The following GPATCH2 variants were observed in gnomAD, a reference collection of about 807,000 sequenced individuals.
The protein encoded by GPATCH2 is G-patch domain containing 2.
GPATCH2 carries 51 observed loss-of-function variants against 58.0 expected under a neutral mutation model. The ratio of observed to expected loss-of-function variants is 0.88; its 90% CI spans 0.70 to 1.11. The LOEUF is 1.11. GPATCH2 is among the 50% of genes most tolerant of loss of function. The pLI is 0.00. For missense variants in GPATCH2, 625 were observed against 652.2 expected (o/e 0.96, Z 0.45); for synonymous variants, 222 against 218.5 (o/e 1.02, Z -0.14).
chr1:217,590,285 G>A (rs1667532941), intron 5 of GPATCH2, among the ~76,000 whole-genome samples: 1 of 152,014 alleles, frequency 6.6e-6, no homozygotes, highest in Non-Finnish European at 1.5e-5. Flanking sequence ...GCCTCCCAAA[G>A]CGCTGGGATT....
chr1:217,437,804 C>T (rs1658913005), intron 9 of GPATCH2, among the ~76,000 whole-genome samples: 1 of 152,354 alleles, frequency 6.6e-6, no homozygotes, highest in Non-Finnish European at 1.5e-5. Flanking sequence ...GCTGTGGGCA[C>T]AGCTTCAGCA....
intron 5 of GPATCH2, among the ~76,000 whole-genome samples, chr1:217,581,845 G>A (rs1174464205): frequency 6.6e-6 from 1 of 152,158 alleles, no homozygotes; most frequent in Non-Finnish European, 1.5e-5. Flanking sequence ...CAGCTACTTG[G>A]GAGGCTGAGG....
intron 5 of GPATCH2, among the ~76,000 whole-genome samples, chr1:217,538,450 T>A (rs1278778648): frequency 6.6e-6 from 1 of 152,230 alleles, no homozygotes; most frequent in Non-Finnish European, 1.5e-5. Flanking sequence ...GAAACCTTAA[T>A]AGTCTGAAGG....
chr1:217,511,013 G>A (rs1225705576), intron 6 of GPATCH2, among the ~76,000 whole-genome samples: 3 of 152,068 alleles, frequency 2.0e-5, no homozygotes, highest in African/African-American at 7.2e-5. Context: ...CAGGAGAATC[G>A]TTTGAACTGG....
chr1:217,597,525 C>T (rs1282802816), intron 5 of GPATCH2, among the ~76,000 whole-genome samples: 3 of 152,094 alleles, frequency 2.0e-5, no homozygotes, highest in African/African-American at 4.8e-5. Flanking sequence ...CTTAAACAGG[C>T]AATTCATGGA....
intron 7 of GPATCH2, 111 bp from the exon 8 acceptor site, chr1:217,491,861 G>T: frequency 2.6e-6 from 1 of 384,298 alleles, no homozygotes; most frequent in Non-Finnish European, 4.5e-6. Flanking sequence ...TATTTGCACG[G>T]CTTTTTTTTT....
chr1:217,619,281 T>C (rs1332725497), intron 2 of GPATCH2, among the ~76,000 whole-genome samples: 1 of 152,190 alleles, frequency 6.6e-6, no homozygotes, highest in Non-Finnish European at 1.5e-5. Flanking sequence ...TTCTAGACTA[T>C]AAATTGGGTT....
intron 5 of GPATCH2, among the ~76,000 whole-genome samples, chr1:217,597,295 G>A (rs144919787): frequency 2.0e-5 from 3 of 151,830 alleles, no homozygotes; most frequent in East Asian, 1.9e-4. Flanking sequence ...AGGGAACTAC[G>A]GGAACTACTG....
chr1:217,575,686 C>CA (rs1467021143), intron 5 of GPATCH2, among the ~76,000 whole-genome samples: 2 of 151,888 alleles, frequency 1.3e-5, no homozygotes, highest in Admixed American at 6.5e-5. Flanking sequence ...TGGAGGATAA[C>CA]AAAAAAACAA....
At chr1:217,490,422 G>A (rs1571795564) in intron 8 of GPATCH2, among the ~76,000 whole-genome samples, 1 of 152,080 alleles carries the variant, frequency 6.6e-6, no homozygotes, top group Non-Finnish European at 1.5e-5. Context: ...CCAGGTTGGG[G>A]AATTCTTAGC....
chr1:217,569,674 G>A (rs1471989413), intron 5 of GPATCH2, among the ~76,000 whole-genome samples: 1 of 152,022 alleles, frequency 6.6e-6, no homozygotes, highest in East Asian at 1.9e-4. Context: ...CAGACTGGGC[G>A]ACGAGAGCAA....
chr1:217,588,032 T>G (rs1421775893), intron 5 of GPATCH2, among the ~76,000 whole-genome samples: 1 of 152,156 alleles, frequency 6.6e-6, no homozygotes, highest in African/African-American at 2.4e-5. Context: ...TTAAGCTTTC[T>G]AGACAGGTGA....
At chr1:217,460,402 A>G (rs1660151241) in intron 8 of GPATCH2, among the ~76,000 whole-genome samples, 1 of 152,250 alleles carries the variant, frequency 6.6e-6, no homozygotes, top group Non-Finnish European at 1.5e-5. Flanking sequence ...TAATTGAGAA[A>G]TAAAAAAGAT....
chr1:217,491,622 C>A (rs1571797763), intron 8 of GPATCH2, 58 bp downstream of exon 8: 1 of 776,558 alleles, frequency 1.3e-6, no homozygotes, highest in East Asian at 2.6e-5. Flanking sequence ...TCATTACATT[C>A]TTATAGGCAT....
Position 217,449,291 on chromosome 1 carries a change from G to T in GPATCH2, c.1324C>A (p.Arg442=). 6.2e-7 allele frequency: 1 copy of T among 1,609,950 alleles called. No homozygotes were observed. ...LGSLCTGDIK[R]RRKAAPLPGP... The stretch of plus-strand genomic sequence containing the variant: ...GGCAAAGGTGCAGCTTTTCTTCTCC[G>T]TTTGATATCTCCCGTGCATAAGGAT... The change falls in exon 9 of 10, where the codon CGG becomes AGG. Residue 442 remains arginine, a synonymous_variant. Transcript: ENST00000366935.
At chr1:217,580,726 G>C (rs1290568210) in intron 5 of GPATCH2, among the ~76,000 whole-genome samples, 2 of 152,152 alleles carry the variant, frequency 1.3e-5, no homozygotes, top group South Asian at 2.1e-4. Context: ...TCTTCTGGGA[G>C]CCCATTAGAA....
At chr1:217,550,840 TA>T (rs1474548434) in intron 5 of GPATCH2, among the ~76,000 whole-genome samples, 1 of 150,992 alleles carries the variant, frequency 6.6e-6, no homozygotes, top group African/African-American at 2.4e-5. Flanking sequence ...TACATTTTTG[TA>T]ATTATATACT....
chr1:217,476,687 C>T (rs1348384648), intron 8 of GPATCH2, among the ~76,000 whole-genome samples: 1 of 152,146 alleles, frequency 6.6e-6, no homozygotes, highest in Non-Finnish European at 1.5e-5. Flanking sequence ...TTTAAACCAG[C>T]CCTAGCCAGA....
chr1:217,603,188 C>G (rs1051602598), intron 5 of GPATCH2, among the ~76,000 whole-genome samples: 2 of 152,008 alleles, frequency 1.3e-5, no homozygotes, highest in Non-Finnish European at 2.9e-5. Context: ...CATCACAAAC[C>G]CAAATGACAA....
Sources: allele counts gnomAD v4.1 joint callset (sites outside exome capture counted in the v4.1 genomes callset), GRCh38; gene constraint gnomAD v4.1.1; transcripts MANE v1.5; gene names NCBI Gene and HGNC (gene_info 2026-07-23, HGNC 2026-07-21).